PDE11A: variants seen among roughly 807,000 people sequenced by gnomAD.
The protein encoded by PDE11A is phosphodiesterase 11A, also known as dual 3',5'-cyclic-AMP and -GMP phosphodiesterase 11A.
PDE11A carries 100 observed loss-of-function variants against 100.5 expected under a neutral mutation model. The observed-to-expected ratio is 1.00, with a 90% CI of 0.85 to 1.18. The LOEUF is 1.18. Ranked by LOEUF, PDE11A falls within the 50% of genes most tolerant of loss-of-function variation. The probability of loss-of-function intolerance (pLI) is 0.00; values close to 1 mark genes in which losing one functional copy is unlikely to be tolerated. For missense variants in PDE11A, 1,141 were observed against 1,152.6 expected (o/e 0.99, Z 0.15); for synonymous variants, 381 against 420.8 (o/e 0.91, Z 1.16).
chr2:177,850,721 C>T (rs1343152687), intron 5 of PDE11A, among the ~76,000 whole-genome samples: 32 of 152,056 alleles, frequency 2.1e-4, no homozygotes, highest in Non-Finnish European at 3.2e-4. Context: ...AAAAAGTGGG[C>T]GAAGGATATG....
Position 177,816,902 on chromosome 2 carries a change from C to T in PDE11A, c.1664G>A (p.Gly555Glu). 1 of 1,608,484 alleles carries T rather than the reference C, an allele frequency of 6.2e-7. No homozygotes were observed. Among genetic ancestry groups the T allele is most frequent in the African/African-American group, 1.3e-5 (1 of 74,870 alleles). ...RLFEAFVIFC[G>E]LGINNTIMYD... is the part of the protein sequence containing the mutation. Reference sequence around the variant, plus strand: ...CATAATTGTGTTGTTGATGCCAAGTCCACAAAAGATGACAAAAGCCTAGGA... The same window carrying T: ...CATAATTGTGTTGTTGATGCCAAGTTCACAAAAGATGACAAAAGCCTAGGA... The change falls in exon 9 of 20, where the codon GGA (glycine) becomes GAA (glutamate). Residue 555 changes from glycine to glutamate, a missense_variant. Physicochemically the swap from Gly to Glu is moderately conservative, Grantham distance 98. Transcript: ENST00000286063.
At chr2:177,857,520 G>A (rs2083862142) in intron 5 of PDE11A, among the ~76,000 whole-genome samples, 1 of 151,888 alleles carries the variant, frequency 6.6e-6, no homozygotes, top group African/African-American at 2.4e-5. Context: ...GTAATTAGTA[G>A]GACAACAGTA....
chr2:177,727,540 A>G (rs2105447021), intron 12 of PDE11A, 118 bp downstream of exon 12: 1 of 750,606 alleles, frequency 1.3e-6, no homozygotes, highest in Non-Finnish European at 2.4e-6. Flanking sequence ...CAGGGTAGGT[A>G]AGTTCCAACA....
Position 177,674,878 on chromosome 2 carries a change from A to G in PDE11A, c.2487+577T>C, listed in dbSNP as rs571620270. 5.9e-5 allele frequency among the ~76,000 whole-genome samples: 9 copies of G among 152,308 alleles called. No individual in the cohort carries two copies. The East Asian group carries it at 1.5e-3, about 26-fold the overall frequency. On this transcript the variant is annotated intron_variant, in intron 17 of 19. Coordinates refer to ENST00000286063, the MANE Select transcript of PDE11A (RefSeq NM_016953.4). ...ACATAACGATTAACCTCTAAATACC[A>G]TCAGTAATCCCTGGTCTTCAGTTGG...
At chr2:177,935,388 T>C (rs2085259598) in intron 2 of PDE11A, among the ~76,000 whole-genome samples, 1 of 152,192 alleles carries the variant, frequency 6.6e-6, no homozygotes, top group Non-Finnish European at 1.5e-5. Context: ...ACAAGAGTAG[T>C]TTAGCTGCAG....
At chr2:177,647,408 G>C (rs773908597) in intron 19 of PDE11A, among the ~76,000 whole-genome samples, 1 of 152,056 alleles carries the variant, frequency 6.6e-6, no homozygotes, top group African/African-American at 2.4e-5. Context: ...AATGGTGCTC[G>C]GTGTAAGTCA....
At chr2:177,646,164 G>T (rs2080221140) in intron 19 of PDE11A, among the ~76,000 whole-genome samples, 1 of 152,144 alleles carries the variant, frequency 6.6e-6, no homozygotes, top group African/African-American at 2.4e-5. Flanking sequence ...TGTTTACAGG[G>T]CCAGGCCACT....
rs996986979 is a variant in PDE11A at position 178,072,593 on chromosome 2, T to C, written c.-156A>G. The C allele has an allele frequency of 6.6e-7, 1 of 1,516,146 alleles. No homozygotes were observed. The allele number at this position is 1,516,146 out of a possible 1,614,324, so 93.9% of individuals were successfully genotyped here. On this transcript the variant is annotated 5_prime_UTR_variant, in exon 1 of 20. Transcript: ENST00000286063. Reference sequence around the variant, plus strand: ...ATTCCCAGCAGTGGAATCTGGGAGATGCCCCTTCCTTCTCTGGCTCAGAGT... The same window carrying C: ...ATTCCCAGCAGTGGAATCTGGGAGACGCCCCTTCCTTCTCTGGCTCAGAGT...
intron 9 of PDE11A, among the ~76,000 whole-genome samples, chr2:177,806,586 C>A (rs1054725397): frequency 6.6e-6 from 1 of 151,918 alleles, no homozygotes; most frequent in Non-Finnish European, 1.5e-5. Context: ...TACTTTTGTC[C>A]TTCTATACAA....
chr2:177,897,506 A>C (rs2084629198), intron 4 of PDE11A, among the ~76,000 whole-genome samples: 2 of 152,194 alleles, frequency 1.3e-5, no homozygotes, highest in African/African-American at 4.8e-5. Context: ...AGAACCTGGA[A>C]GCCTCCACAG....
At chr2:177,766,845 C>A (rs1426900031) in intron 10 of PDE11A, among the ~76,000 whole-genome samples, 1 of 152,168 alleles carries the variant, frequency 6.6e-6, no homozygotes, top group East Asian at 1.9e-4. Context: ...TAATATCTGT[C>A]ATGATAAAAT....
At chr2:177,734,608 A>G (rs2081745469) in intron 10 of PDE11A, among the ~76,000 whole-genome samples, 1 of 152,186 alleles carries the variant, frequency 6.6e-6, no homozygotes, top group Non-Finnish European at 1.5e-5. Flanking sequence ...CATGACAGAT[A>G]TGGGCTCTCA....
chr2:177,669,494 GA>G lies in PDE11A; in HGVS notation c.2560del (p.Ser854GlnfsTer32). On this transcript the variant is annotated frameshift_variant and splice_region_variant, in exon 18 of 20. Transcript: ENST00000286063. LOFTEE classifies it high-confidence loss of function. ...RERLELKLTP[S>X]AIFDRNRKDE... Reference sequence around the variant, plus strand: ...GTTATAATTAAAGGATGAACTCACTGAAGGAGTGAGTTTGAGCTCTAATCTC... The same window carrying G: ...GTTATAATTAAAGGATGAACTCACTGAGGAGTGAGTTTGAGCTCTAATCTC... 1 of 1,214,308 alleles carries G rather than the reference GA, an allele frequency of 8.2e-7. No homozygotes were observed. The highest frequency in any genetic ancestry group is 1.2e-6 in the Non-Finnish European group (1 of 815,066). 75.2% of individuals were successfully genotyped at this position (1,214,308 alleles called of 1,614,324 possible). A position where few individuals can be genotyped will look rare whatever the true frequency, so the allele number is the denominator to read the frequency against.
At chr2:178,040,666 T>C (rs926000218) in intron 1 of PDE11A, among the ~76,000 whole-genome samples, 1 of 152,192 alleles carries the variant, frequency 6.6e-6, no homozygotes, top group Admixed American at 6.5e-5. Context: ...TTTCACTCCA[T>C]AGACTTATTG....
At chr2:178,064,540 G>T (rs1327580343) in intron 1 of PDE11A, among the ~76,000 whole-genome samples, 1 of 152,058 alleles carries the variant, frequency 6.6e-6, no homozygotes, top group Non-Finnish European at 1.5e-5. Context: ...TTGTTGAGAG[G>T]ATTAAAAGAG....
At chr2:177,844,647 A>G (rs1041153195) in intron 5 of PDE11A, among the ~76,000 whole-genome samples, 17 of 151,466 alleles carry the variant, frequency 1.1e-4, no homozygotes, top group Admixed American at 2.6e-4. Flanking sequence ...AAACAAGTGA[A>G]CAAAGGTCTC....
intron 2 of PDE11A, among the ~76,000 whole-genome samples, chr2:177,964,188 C>T (rs2085669544): frequency 6.6e-6 from 1 of 151,214 alleles, no homozygotes; most frequent in Non-Finnish European, 1.5e-5. Context: ...CTTGCTCTGT[C>T]ACAGAGGCTG....
chr2:178,071,915 GCGCA>G lies in PDE11A; in HGVS notation c.519_522del (p.Ala174CysfsTer6), dbSNP rs762002719. The G allele has an allele frequency of 3.1e-6, 5 of 1,613,960 alleles. No individual in the cohort carries two copies. Among genetic ancestry groups the G allele is most frequent in the Non-Finnish European group, 4.2e-6 (5 of 1,179,834 alleles). On this transcript the variant is annotated frameshift_variant, in exon 1 of 20. Coordinates refer to ENST00000286063, the MANE Select transcript of PDE11A (RefSeq NM_016953.4). LOFTEE classifies it high-confidence loss of function. ...GGCAGATTCACTCTCGATTCCAGCA[GCGCA>G]CTGAGAATATGGGCTGTGGTGGGGG...
At chr2:177,938,381 C>T (rs1200861764) in intron 2 of PDE11A, among the ~76,000 whole-genome samples, 4 of 152,144 alleles carry the variant, frequency 2.6e-5, no homozygotes, top group African/African-American at 9.7e-5. Context: ...CCATGCCTAC[C>T]AGTCTAAAGG....
Sources: gnomAD v4.1 joint callset for allele counts (sites outside exome capture counted in the v4.1 genomes callset) on GRCh38, gnomAD v4.1.1 for gene constraint, MANE v1.5 for transcripts, NCBI Gene and HGNC (gene_info 2026-07-23, HGNC 2026-07-21) for gene names.